Variants in SEMA6D observed in about 807,000 individuals in gnomAD.
SEMA6D encodes the protein semaphorin 6D.
In SEMA6D, 35 loss-of-function variants were observed where a neutral mutation model predicts 106.6. The observed-to-expected ratio is 0.33, with a 90% CI of 0.25 to 0.44. The LOEUF is 0.44. Among genes scored for constraint, SEMA6D ranks in the 20% least tolerant of loss-of-function variants. The pLI is 1.00. For missense variants in SEMA6D, 1,185 were observed against 1,345.9 expected, an observed-to-expected ratio of 0.88 and a Z score of 1.87; for synonymous variants, 499 against 487.7, an observed-to-expected ratio of 1.02 and a Z score of -0.31.
At chr15:47,270,497 G>A (rs538426884) in intron 1 of SEMA6D, among the ~76,000 whole-genome samples, 1 of 151,724 alleles carries the variant, frequency 6.6e-6, no homozygotes, top group Admixed American at 6.6e-5. Flanking sequence ...GTAAAAATGT[G>A]AATAGAATGA....
At chr15:47,568,334 G>A (rs566643327) in intron 3 of SEMA6D, among the ~76,000 whole-genome samples, 14 of 152,168 alleles carry the variant, frequency 9.2e-5, no homozygotes, top group African/African-American at 2.9e-4. Flanking sequence ...TAAACCACCC[G>A]AGTGTCCATT....
intron 1 of SEMA6D, among the ~76,000 whole-genome samples, chr15:47,743,205 G>A (rs1245069833): frequency 1.3e-5 from 2 of 152,198 alleles, no homozygotes; most frequent in Non-Finnish European, 2.9e-5. Context: ...CACATCTGCA[G>A]CTGTAAGGGC....
At chr15:47,249,368 C>G (rs532844067) in intron 1 of SEMA6D, among the ~76,000 whole-genome samples, 40 of 152,170 alleles carry the variant, frequency 2.6e-4, no homozygotes, top group African/African-American at 6.7e-4. Flanking sequence ...TCATGAGTGC[C>G]TAGTCTCTGC....
Position 47,575,727 on chromosome 15 carries a change from A to G in SEMA6D, c.-86-25138A>G, listed in dbSNP as rs1371917039. Among the ~76,000 whole-genome samples the G allele has an allele frequency of 2.0e-5, 3 of 152,060 alleles. No homozygotes were observed. The East Asian group carries it at 5.8e-4, about 29-fold the overall frequency. ...GAGCAAGACTCCATCTCAAAACAAA[A>G]AAAAAAGAGAGAAGAAGTTGGTGCT... On this transcript the variant is annotated intron_variant, in intron 3 of 19. Transcript: ENST00000558014.
At chr15:47,365,876 G>A (rs2038994079) in intron 1 of SEMA6D, among the ~76,000 whole-genome samples, 1 of 119,438 alleles carries the variant, frequency 8.4e-6, no homozygotes, top group Non-Finnish European at 1.7e-5. Context: ...AAGAAAGAAA[G>A]AGAGAGAGAG....
rs952767305 is a variant in SEMA6D, at chr15:47,711,047, C to T, written c.-54-48698C>T. The stretch of plus-strand genomic sequence containing the variant: ...AGGCGTGGCCGGGCGCGGTGGCTCA[C>T]GCCTGTAATCCCAGCACTTTGGGAG... On this transcript the variant is annotated intron_variant, in intron 4 of 19. Coordinates refer to the SEMA6D transcript ENST00000558014. 3.9e-5 allele frequency among the ~76,000 whole-genome samples: 6 copies of T among 152,124 alleles called. No individual in the cohort carries two copies. In the East Asian group the frequency reaches 1.2e-3, roughly 30 times the overall value.
At chr15:47,316,832 A>G (rs2036701108) in intron 1 of SEMA6D, among the ~76,000 whole-genome samples, 1 of 151,838 alleles carries the variant, frequency 6.6e-6, no homozygotes, top group Admixed American at 6.6e-5. Context: ...ATTTTGTTGA[A>G]GTTTTTGCAT....
At chr15:47,378,973 C>T (rs2039545752) in intron 1 of SEMA6D, among the ~76,000 whole-genome samples, 1 of 152,150 alleles carries the variant, frequency 6.6e-6, no homozygotes, top group Non-Finnish European at 1.5e-5. Context: ...TAATTCTCTT[C>T]TCCTCCAACC....
intron 1 of SEMA6D, among the ~76,000 whole-genome samples, chr15:47,410,435 T>G (rs1281517485): frequency 1.3e-5 from 2 of 152,218 alleles, no homozygotes; most frequent in Non-Finnish European, 2.9e-5. Flanking sequence ...TGATGGCAGT[T>G]TCTGATTTGT....
chr15:47,487,943 GA>G (rs1479073083), intron 3 of SEMA6D, among the ~76,000 whole-genome samples: 10 of 152,100 alleles, frequency 6.6e-5, no homozygotes, highest in Non-Finnish European at 1.5e-5. Context: ...TTAGAGGCAA[GA>G]ATCTATTATC....
intron 1 of SEMA6D, among the ~76,000 whole-genome samples, chr15:47,232,752 A>G (rs879630186): frequency 3.6e-5 from 5 of 137,034 alleles, no homozygotes; most frequent in Non-Finnish European, 8.3e-5. Flanking sequence ...GACTGTTCAA[A>G]CTCTTTGCAC....
At chr15:47,670,621 G>T (rs996775874) in intron 4 of SEMA6D, among the ~76,000 whole-genome samples, 2 of 152,060 alleles carry the variant, frequency 1.3e-5, no homozygotes, top group African/African-American at 4.8e-5. Context: ...AATCTTCAAG[G>T]GATTAAAGTA....
At chr15:47,270,543 T>A (rs2034511529) in intron 1 of SEMA6D, among the ~76,000 whole-genome samples, 1 of 152,130 alleles carries the variant, frequency 6.6e-6, no homozygotes, top group Admixed American at 6.6e-5. Flanking sequence ...TTCTTCTCAA[T>A]CTTAGCGGAA....
At position 47,685,936 on chromosome 15, in the gene SEMA6D, A is replaced by G. The variant is rs187275233; in HGVS notation, c.-54-73809A>G. 1.3e-5 allele frequency among the ~76,000 whole-genome samples: 2 copies of G among 152,188 alleles called. 1 individual carries two copies. The highest frequency in any genetic ancestry group is 1.3e-4 in the Admixed American group (2 of 15,276). ...TAAAAGATGCATATCTGAGATTTAA[A>G]ATAGGGAATGGATGTGATTTCTGAC... On this transcript the variant is annotated intron_variant, in intron 4 of 19. Transcript: ENST00000558014.
intron 3 of SEMA6D, among the ~76,000 whole-genome samples, chr15:47,585,611 G>T (rs1286432787): frequency 6.6e-6 from 1 of 152,154 alleles, no homozygotes; most frequent in Non-Finnish European, 1.5e-5. Context: ...GCTCAACCAA[G>T]CAGCGTCTTT....
intron 1 of SEMA6D, among the ~76,000 whole-genome samples, chr15:47,224,222 T>C (rs1195220498): frequency 6.6e-6 from 1 of 151,798 alleles, no homozygotes; most frequent in Non-Finnish European, 1.5e-5. Context: ...CTATTTGCTA[T>C]TAAATTTACA....
At chr15:47,620,579 G>A (rs747966535) in intron 4 of SEMA6D, among the ~76,000 whole-genome samples, 19 of 152,122 alleles carry the variant, frequency 1.2e-4, no homozygotes, top group Non-Finnish European at 2.1e-4. Flanking sequence ...CTGACACTCC[G>A]TATATTCATC....
At chr15:47,633,942 A>G (rs1306898578) in intron 4 of SEMA6D, among the ~76,000 whole-genome samples, 1 of 152,088 alleles carries the variant, frequency 6.6e-6, no homozygotes, top group Non-Finnish European at 1.5e-5. Flanking sequence ...TCTTTTGCTT[A>G]TTACATTTTT....
At chr15:47,597,200 A>G (rs991646627) in intron 3 of SEMA6D, among the ~76,000 whole-genome samples, 6 of 152,088 alleles carry the variant, frequency 3.9e-5, no homozygotes, top group Admixed American at 6.6e-5. Flanking sequence ...GCCTATTACT[A>G]AAAAAATGAT....
Sources: allele counts gnomAD v4.1 joint callset (sites outside exome capture counted in the v4.1 genomes callset), GRCh38; gene constraint gnomAD v4.1.1; transcripts MANE v1.5; gene names NCBI Gene and HGNC (gene_info 2026-07-23, HGNC 2026-07-21).